GPR137C: variants seen among roughly 807,000 people sequenced by gnomAD.
The protein encoded by GPR137C is integral membrane protein GPR137C.
A neutral mutation model predicts 43.4 loss-of-function variants in GPR137C; 27 were observed. That is an observed-to-expected ratio of 0.62 (90% CI 0.46 to 0.86). The LOEUF is 0.86. Ranked by LOEUF, GPR137C falls within the 40% of genes least tolerant of loss-of-function variation. The probability of loss-of-function intolerance (pLI) is 0.00; values close to 1 mark genes in which losing one functional copy is unlikely to be tolerated. For synonymous variants in GPR137C, 285 were observed against 226.9 expected (o/e 1.26, Z -2.30); for missense variants, 522 against 534.6 (o/e 0.98, Z 0.23).
At chr14:52,558,785 A>T (rs2038234077) in intron 1 of GPR137C, among the ~76,000 whole-genome samples, 1 of 152,222 alleles carries the variant, frequency 6.6e-6, no homozygotes, top group Admixed American at 6.5e-5. Context: ...TTAAAAACTG[A>T]AATGGATGGT....
chr14:52,580,765 T>TA (rs913171790), intron 1 of GPR137C, among the ~76,000 whole-genome samples: 159 of 148,270 alleles, frequency 1.1e-3, no homozygotes, highest in East Asian at 3.7e-3. Flanking sequence ...AATATATATA[T>TA]TTTTTAGTAT....
chr14:52,580,722 A>G (rs1477522882), intron 1 of GPR137C, among the ~76,000 whole-genome samples: 2 of 151,184 alleles, frequency 1.3e-5, no homozygotes, highest in African/African-American at 4.8e-5. Flanking sequence ...GCAAGAAGAT[A>G]TTGAATCCTA....
chr14:52,562,944 A>C (rs191952947), intron 1 of GPR137C, among the ~76,000 whole-genome samples: 1 of 152,324 alleles, frequency 6.6e-6, no homozygotes, highest in African/African-American at 2.4e-5. Context: ...CTTCATAATC[A>C]AACTTCTTTC....
At chr14:52,624,139 G>T (rs1004566856) in intron 3 of GPR137C, among the ~76,000 whole-genome samples, 14 of 149,696 alleles carry the variant, frequency 9.4e-5, no homozygotes, top group African/African-American at 3.4e-4. Flanking sequence ...CTTAAATATT[G>T]TAAAATAAAT....
chr14:52,573,269 A>G (rs982636075), intron 1 of GPR137C, among the ~76,000 whole-genome samples: 2 of 152,104 alleles, frequency 1.3e-5, no homozygotes, highest in Non-Finnish European at 1.5e-5. Context: ...AGCCAAGACA[A>G]TCCTAAGCAA....
chr14:52,593,465 G>A (rs996575295), intron 1 of GPR137C, among the ~76,000 whole-genome samples: 60 of 152,066 alleles, frequency 3.9e-4, no homozygotes, highest in African/African-American at 1.2e-3. Context: ...GGTCCTGGAC[G>A]TTTTTTGGTT....
chr14:52,608,767 C>T (rs1023153935), intron 3 of GPR137C, among the ~76,000 whole-genome samples: 3 of 152,066 alleles, frequency 2.0e-5, no homozygotes, highest in Middle Eastern at 3.4e-3. Context: ...ACTCCTGGCC[C>T]GTAATGTTTC....
At position 52,553,208 on chromosome 14, in the gene GPR137C, T is replaced by G; in HGVS notation, c.61T>G (p.Ser21Ala). Reference sequence around the variant, plus strand: ...CGCCCCCGCAGCCGGCCGCGAGCCCTCCACGCCCGGCGGGGGCAGCGGAGG... The same window carrying G: ...CGCCCCCGCAGCCGGCCGCGAGCCCGCCACGCCCGGCGGGGGCAGCGGAGG... ...AAAPAAGREPSTPGGGSGGGG... is the reference protein window; with the variant it reads ...AAAPAAGREPATPGGGSGGGG... Residue 21 changes from serine to alanine, a missense_variant, in exon 1 of 7, where the codon TCC becomes GCC. Transcript: ENST00000321662. 1 of 1,259,784 alleles carries G rather than the reference T, an allele frequency of 7.9e-7. No homozygotes were observed. The highest frequency in any genetic ancestry group is 1.0e-6 in the Non-Finnish European group (1 of 1,003,414). The allele number at this position is 1,259,784 out of a possible 1,614,324, so 78.0% of individuals were successfully genotyped here.
chr14:52,635,156 A>G lies in GPR137C; in HGVS notation c.*41A>G, dbSNP rs376672640. ...ATGATTCTTGAGTTGTTTTTCATAA[A>G]TGTGTATATTCAATGTGTTTAAATT... is the stretch of plus-strand genomic sequence containing the variant. On this transcript the variant is annotated 3_prime_UTR_variant, in exon 7 of 7. Transcript: ENST00000321662. The G allele has an allele frequency of 6.1e-5, 89 of 1,449,904 alleles. No homozygotes were observed. Among genetic ancestry groups the G allele is most frequent in the Non-Finnish European group, 7.9e-5 (85 of 1,077,810 alleles). The allele number at this position is 1,449,904 out of a possible 1,614,324, so 89.8% of individuals were successfully genotyped here.
chr14:52,634,276 T>C (rs2039326924), intron 6 of GPR137C, among the ~76,000 whole-genome samples: 1 of 152,094 alleles, frequency 6.6e-6, no homozygotes, highest in Non-Finnish European at 1.5e-5. Context: ...TGTTTCCATA[T>C]CTTTAGTGCT....
chr14:52,587,663 G>C (rs1295673953), intron 1 of GPR137C, among the ~76,000 whole-genome samples: 1 of 152,160 alleles, frequency 6.6e-6, no homozygotes, highest in Non-Finnish European at 1.5e-5. Flanking sequence ...CCAGCTACTC[G>C]AGAGGCTGAG....
intron 3 of GPR137C, among the ~76,000 whole-genome samples, chr14:52,609,111 CT>C (rs1002994400): frequency 6.6e-6 from 1 of 151,954 alleles, no homozygotes; most frequent in East Asian, 1.9e-4. Context: ...TTCTTCATTT[CT>C]TTTTTTTCTT....
At chr14:52,589,681 C>T (rs1157160706) in intron 1 of GPR137C, among the ~76,000 whole-genome samples, 1 of 152,140 alleles carries the variant, frequency 6.6e-6, no homozygotes, top group African/African-American at 2.4e-5. Flanking sequence ...CAGTCAGGCA[C>T]CGCATAACAA....
At chr14:52,578,237 C>T (rs1259503263) in intron 1 of GPR137C, among the ~76,000 whole-genome samples, 2 of 152,130 alleles carry the variant, frequency 1.3e-5, no homozygotes, top group African/African-American at 4.8e-5. Context: ...TTTAGGGAGA[C>T]ATTCTCGTAT....
intron 3 of GPR137C, among the ~76,000 whole-genome samples, chr14:52,620,216 C>T (rs918861901): frequency 6.6e-6 from 1 of 152,060 alleles, no homozygotes; most frequent in African/African-American, 2.4e-5. Flanking sequence ...GTAGTCACTA[C>T]TGCAGATGTA....
At chr14:52,621,967 A>G (rs893329876) in intron 3 of GPR137C, among the ~76,000 whole-genome samples, 1 of 151,902 alleles carries the variant, frequency 6.6e-6, no homozygotes. Context: ...AAAAATTTTT[A>G]TAAAACAAAA....
intron 3 of GPR137C, among the ~76,000 whole-genome samples, 186 bp from the exon 4 acceptor site, chr14:52,631,974 C>G (rs778496683): frequency 2.9e-4 from 43 of 149,696 alleles, no homozygotes; most frequent in Non-Finnish European, 5.0e-4. Context: ...AAAAAACTTA[C>G]ACATATTAAA....
intron 1 of GPR137C, among the ~76,000 whole-genome samples, chr14:52,573,819 A>G (rs1041207156): frequency 1.3e-5 from 2 of 152,250 alleles, no homozygotes; most frequent in Admixed American, 1.3e-4. Context: ...GTTGCAATCT[A>G]TCCATCTGAC....
intron 3 of GPR137C, among the ~76,000 whole-genome samples, chr14:52,622,298 A>T (rs2039169940): frequency 6.6e-6 from 1 of 152,062 alleles, no homozygotes; most frequent in African/African-American, 2.4e-5. Flanking sequence ...TCCATTGGTC[A>T]ATCTTGCATT....
Sources: gnomAD v4.1 joint callset for allele counts (sites outside exome capture counted in the v4.1 genomes callset) on GRCh38, gnomAD v4.1.1 for gene constraint, MANE v1.5 for transcripts, NCBI Gene and HGNC (gene_info 2026-07-23, HGNC 2026-07-21) for gene names.